The following COG2 variants were observed in gnomAD, a reference collection of about 807,000 sequenced individuals.
COG2 encodes the protein component of oligomeric golgi complex 2.
A neutral mutation model predicts 90.6 loss-of-function variants in COG2; 52 were observed. The observed-to-expected ratio is 0.57, with a 90% CI of 0.46 to 0.72. The LOEUF (loss-of-function observed/expected upper bound fraction) is 0.72. Ranked by LOEUF, COG2 falls within the 30% of genes least tolerant of loss-of-function variation. The pLI, the probability that COG2 is intolerant of heterozygous loss-of-function variation, is 0.00. For synonymous variants in COG2, 337 were observed against 320.4 expected (o/e 1.05, Z -0.55); for missense variants, 829 against 891.2 (o/e 0.93, Z 0.89).
chr1:230,657,082 T>C (rs1662076052), intron 1 of COG2, among the ~76,000 whole-genome samples: 3 of 152,196 alleles, frequency 2.0e-5, no homozygotes. Flanking sequence ...AAGGTTAATA[T>C]TGTTATGTGG....
At chr1:230,660,913 G>A (rs1438633740) in intron 3 of COG2, 90 bp downstream of exon 3, 2 of 809,994 alleles carry the variant, frequency 2.5e-6, no homozygotes, top group Non-Finnish European at 3.7e-6. Context: ...AATCTGTTAG[G>A]TTGTTGATTT....
At chr1:230,688,216 G>A in intron 14 of COG2, 73 bp downstream of exon 14, 1 of 1,253,214 alleles carries the variant, frequency 8.0e-7, no homozygotes, top group South Asian at 1.4e-5. Context: ...AGACTGTAGG[G>A]TATATTTAAC....
chr1:230,659,384 T>C, intron 1 of COG2, 80 bp from the exon 2 acceptor site: 2 of 1,165,298 alleles, frequency 1.7e-6, no homozygotes, highest in Non-Finnish European at 2.6e-6. Context: ...TGGGCTTTCT[T>C]ACTCTTTCTT....
chr1:230,651,075 A>G (rs1661903600), intron 1 of COG2, among the ~76,000 whole-genome samples: 1 of 151,990 alleles, frequency 6.6e-6, no homozygotes, highest in African/African-American at 2.4e-5. Context: ...TTAGCACATA[A>G]TATTTTGTAT....
chr1:230,681,766 A>G (rs763006333), intron 10 of COG2: 2 of 152,190 alleles, frequency 1.3e-5, no homozygotes, highest in Non-Finnish European at 2.9e-5. Flanking sequence ...AAGAAGAAAT[A>G]TGATCTGTTG....
At chr1:230,681,464 C>T (rs539659356) in intron 10 of COG2, 17 of 152,230 alleles carry the variant, frequency 1.1e-4, no homozygotes, top group Non-Finnish European at 8.8e-5. Context: ...GAGACGGGTG[C>T]ACTTAATGAT....
At chr1:230,683,765 C>T in intron 11 of COG2, 130 bp downstream of exon 11, 1 of 643,638 alleles carries the variant, frequency 1.6e-6, no homozygotes, top group Non-Finnish European at 2.7e-6. Context: ...GTAAGTTGGA[C>T]CTTAAAAATC....
At chr1:230,649,180 T>C (rs1027634448) in intron 1 of COG2, among the ~76,000 whole-genome samples, 4 of 152,260 alleles carry the variant, frequency 2.6e-5, no homozygotes, top group African/African-American at 9.6e-5. Flanking sequence ...TGTCCATAGA[T>C]GCTGGAAAAC....
chr1:230,666,745 A>T (rs1404360310), intron 5 of COG2, among the ~76,000 whole-genome samples: 4 of 152,070 alleles, frequency 2.6e-5, no homozygotes, highest in Non-Finnish European at 4.4e-5. Context: ...CACCTGCCCG[A>T]TTTCTCTTTA....
chr1:230,656,616 A>C (rs1422760038), intron 1 of COG2, among the ~76,000 whole-genome samples: 1 of 152,170 alleles, frequency 6.6e-6, no homozygotes, highest in Non-Finnish European at 1.5e-5. Flanking sequence ...AACTGAGTTC[A>C]AGTCCTGAAT....
chr1:230,671,539 A>G lies in COG2; in HGVS notation c.798A>G (p.Glu266=), dbSNP rs1388994676. 4 of 1,613,148 alleles carry G rather than the reference A, an allele frequency of 2.5e-6. No individual in the cohort carries two copies. The South Asian group carries it at 4.4e-5, about 18-fold the overall frequency. The change falls in exon 8 of 18, where the codon GAA becomes GAG. Residue 266 remains glutamate (E), a synonymous_variant. Transcript: ENST00000366669. ...AGGTGATTATAGAGCAGTTTGTTGA[A>G]TCTCATCCCAATGGCCTTCAGGTCA... ...IDEVIIEQFV[E]SHPNGLQVMY...
intron 13 of COG2, 49 bp downstream of exon 13, chr1:230,687,181 A>T: frequency 6.5e-7 from 1 of 1,538,370 alleles, no homozygotes; most frequent in Admixed American, 1.7e-5. Context: ...TAATGTTTTC[A>T]CAGAAGGTAG....
chr1:230,664,585 C>A lies in COG2; in HGVS notation c.483C>A (p.Ser161Arg). Residue 161 changes from serine (S) to arginine (R), a missense_variant and splice_region_variant, in exon 5 of 18, where the codon AGC becomes AGA. Ser to Arg is a moderately radical substitution (Grantham distance 110). Transcript: ENST00000366669. ...AAGAAACCTCTGCACTAGAAGCAAG[C>A]AGGTAAGTATTTTTTATTAAATAAC... Reference protein sequence around the residue: ...SSKETSALEASSPLLTGQILE... With the variant: ...SSKETSALEARSPLLTGQILE... 1.3e-6 allele frequency: 2 copies of A among 1,490,590 alleles called. No homozygotes were observed. Among genetic ancestry groups the A allele is most frequent in the Non-Finnish European group, 1.8e-6 (2 of 1,096,754 alleles). The allele number at this position is 1,490,590 out of a possible 1,614,324, so 92.3% of individuals were successfully genotyped here.
intron 7 of COG2, chr1:230,669,818 A>C: frequency 3.4e-6 from 1 of 296,476 alleles, no homozygotes; most frequent in African/African-American, 2.1e-5. Flanking sequence ...GGTCAATTTT[A>C]TGGGAGGCGA....
chr1:230,689,952 A>G, intron 15 of COG2, 62 bp from the exon 16 acceptor site: 1 of 1,473,382 alleles, frequency 6.8e-7, no homozygotes, highest in Non-Finnish European at 9.1e-7. Context: ...GTTCTGGGTA[A>G]CTTACTGTTT....
At chr1:230,670,229 A>G (rs1662416601) in intron 7 of COG2, 1 of 152,212 alleles carries the variant, frequency 6.6e-6, no homozygotes, top group Admixed American at 6.5e-5. Flanking sequence ...GTGCCATATA[A>G]AGTTGCTGAT....
At position 230,659,490 on chromosome 1, in the gene COG2, G is replaced by A. The variant is rs2102749311; in HGVS notation, c.99G>A (p.Val33=). The A allele has an allele frequency of 1.2e-6, 2 of 1,613,732 alleles. No individual in the cohort carries two copies. The highest frequency in any genetic ancestry group is 1.7e-6 in the Non-Finnish European group (2 of 1,179,832). Residue 33 remains valine, a synonymous_variant, in exon 2 of 18, where the codon GTG becomes GTA. Transcript: ENST00000366669. ...MKEDFDVDHF[V]SDCRKRVQLE... is the part of the protein sequence containing the mutation. ...AAGATTTCGATGTCGATCATTTTGTGTCTGACTGTAGGAAGCGGGTCCAGC... is the reference window on the plus strand; with the variant it reads ...AAGATTTCGATGTCGATCATTTTGTATCTGACTGTAGGAAGCGGGTCCAGC...
intron 3 of COG2, among the ~76,000 whole-genome samples, chr1:230,661,882 A>G (rs1298239683): frequency 6.6e-6 from 1 of 152,130 alleles, no homozygotes; most frequent in Non-Finnish European, 1.5e-5. Flanking sequence ...AGTTTTTGTG[A>G]TCCACTGTTG....
rs982122606 is a variant in COG2 at position 230,686,992 on chromosome 1, A to G, written c.1438A>G (p.Thr480Ala). The G allele has an allele frequency of 6.2e-7, 1 of 1,605,670 alleles. No individual in the cohort carries two copies. Among genetic ancestry groups the G allele is most frequent in the Non-Finnish European group, 8.5e-7 (1 of 1,174,632 alleles). ...CAAGGAGATCAAGAAACCTTTGGTA[A>G]CTGGTAGCAAAGAACCTTCCATCAC... ...SPKEIKKPLV[T>A]GSKEPSITQG... Residue 480 changes from threonine (T) to alanine (A), a missense_variant, in exon 13 of 18, where the codon ACT becomes GCT. Coordinates refer to ENST00000366669, the MANE Select transcript of COG2 (RefSeq NM_007357.3).
Sources: allele counts gnomAD v4.1 joint callset (sites outside exome capture counted in the v4.1 genomes callset), GRCh38; gene constraint gnomAD v4.1.1; transcripts MANE v1.5; gene names NCBI Gene and HGNC (gene_info 2026-07-23, HGNC 2026-07-21).